Variants in CIT observed in about 807,000 individuals in gnomAD.
CIT encodes the protein citron rho-interacting serine/threonine kinase, also known as citron Rho-interacting kinase.
A neutral mutation model predicts 272.7 loss-of-function variants in CIT; 79 were observed. The observed-to-expected ratio is 0.29, with a 90% CI of 0.24 to 0.35. CIT has a LOEUF of 0.35. Ranked by LOEUF, CIT falls within the 10% of genes least tolerant of loss-of-function variation. The probability of loss-of-function intolerance (pLI) is 1.00; values close to 1 mark genes in which losing one functional copy is unlikely to be tolerated. For synonymous variants in CIT, 948 were observed against 995.6 expected (o/e 0.95, Z 0.90); for missense variants, 1,909 against 2,618.3 (o/e 0.73, Z 5.91).
chr12:119,695,381 T>C (rs926989305), intron 46 of CIT, among the ~76,000 whole-genome samples: 1 of 152,136 alleles, frequency 6.6e-6, no homozygotes, highest in African/African-American at 2.4e-5. Flanking sequence ...AAAAGACCCA[T>C]TCTCAGGGCA....
chr12:119,725,960 T>A lies in CIT; in HGVS notation c.3591+2542A>T, dbSNP rs147038069. On this transcript the variant is annotated intron_variant, in intron 28 of 47. Coordinates refer to ENST00000392521, the MANE Select transcript of CIT (RefSeq NM_001206999.2). ...GGTACATTTAACATTTCCACTGTAG[T>A]GTTGTTCTTAAGGCCACGGGGTGAA... 1.0e-3 allele frequency among the ~76,000 whole-genome samples: 152 copies of A among 152,274 alleles called. 1 individual carries two copies. Among genetic ancestry groups the A allele is most frequent in the African/African-American group, 3.3e-3 (138 of 41,512 alleles).
rs566295234 is a variant in CIT at position 119,824,966 on chromosome 12, T to C, written c.957+199A>G. On this transcript the variant is annotated intron_variant, in intron 8 of 47. Coordinates refer to ENST00000392521, the MANE Select transcript of CIT (RefSeq NM_001206999.2). ...GGCGCCCACCACCACAACTGGCTAATTTTTTTGTATTTTTTAGTAGAGATG... is the reference window on the plus strand; with the variant it reads ...GGCGCCCACCACCACAACTGGCTAACTTTTTTGTATTTTTTAGTAGAGATG... 9.2e-5 allele frequency among the ~76,000 whole-genome samples: 14 copies of C among 152,094 alleles called. No individual in the cohort carries two copies. In the East Asian group the frequency reaches 1.7e-3, roughly 19 times the overall value.
chr12:119,694,701 G>T lies in CIT; in HGVS notation c.5882+2958C>A, dbSNP rs1956135284. Reference sequence around the variant, plus strand: ...CGCCTGTAGTCCCAGCTACTCGGGGGGAGGCTGAAGTCGGGGGCTCTCTTG... The same window carrying T: ...CGCCTGTAGTCCCAGCTACTCGGGGTGAGGCTGAAGTCGGGGGCTCTCTTG... On this transcript the variant is annotated intron_variant, in intron 46 of 47. Transcript: ENST00000392521. The surrounding 1 kb of genome is among the most constrained non-coding windows in gnomAD (Gnocchi z 4.5). 1.3e-5 allele frequency among the ~76,000 whole-genome samples: 2 copies of T among 152,130 alleles called. No individual in the cohort carries two copies. The highest frequency in any genetic ancestry group is 2.9e-5 in the Non-Finnish European group (2 of 68,022).
chr12:119,701,587 A>C, intron 43 of CIT, 37 bp downstream of exon 43: 3 of 1,606,274 alleles, frequency 1.9e-6, no homozygotes, highest in South Asian at 1.1e-5. Flanking sequence ...AGTGTCCATG[A>C]GGACCCAAAA....
intron 10 of CIT, among the ~76,000 whole-genome samples, chr12:119,790,076 T>C (rs981213756): frequency 2.6e-5 from 4 of 152,158 alleles, no homozygotes; most frequent in Admixed American, 6.5e-5. Flanking sequence ...CAGCAAGTGA[T>C]TGCTGATAAT....
rs117170737 is a variant in CIT at position 119,800,978 on chromosome 12, A to G, written c.1295+2228T>C. Among the ~76,000 whole-genome samples the G allele has an allele frequency of 5.8e-3, 882 of 152,342 alleles. 5 individuals carry two copies. The highest frequency in any genetic ancestry group is 9.6e-3 in the Non-Finnish European group (655 of 68,032). On this transcript the variant is annotated intron_variant, in intron 10 of 47. Coordinates refer to ENST00000392521, the MANE Select transcript of CIT (RefSeq NM_001206999.2). ...AGCAGAGTAGCCAAGTCCAATAGCA[A>G]TAACACATAACAAGACGCAAGATGA... is the stretch of plus-strand genomic sequence containing the variant.
In CIT at chr12:119,777,673, A is replaced by G. The variant is rs536867478; in HGVS notation, c.1666-831T>C. On this transcript the variant is annotated intron_variant, in intron 13 of 47. Coordinates refer to ENST00000392521, the MANE Select transcript of CIT (RefSeq NM_001206999.2). ...TGACAGAGCAAGACTCCGTCTCAAAAAAACAAAAAAAAACAAAAAAAAACA... is the reference window on the plus strand; with the variant it reads ...TGACAGAGCAAGACTCCGTCTCAAAGAAACAAAAAAAAACAAAAAAAAACA... 3.1e-4 allele frequency among the ~76,000 whole-genome samples: 35 copies of G among 112,158 alleles called. 1 individual carries two copies. The East Asian group carries it at 9.3e-3, about 30-fold the overall frequency. The allele number at this position is 112,158 out of a possible 152,430, so 73.6% of individuals were successfully genotyped here. A position where few individuals can be genotyped will look rare whatever the true frequency, so the allele number is the denominator to read the frequency against.
At chr12:119,849,351 T>A (rs111279958) in intron 5 of CIT, among the ~76,000 whole-genome samples, 10,219 of 151,416 alleles carry the variant, frequency 0.067, 667 homozygotes, top group African/African-American at 0.17. Context: ...CTCTTGAACC[T>A]GGGAGGTGGA....
At chr12:119,725,801 C>T (rs556453829) in intron 28 of CIT, among the ~76,000 whole-genome samples, 3 of 152,360 alleles carry the variant, frequency 2.0e-5, no homozygotes, top group East Asian at 3.9e-4. Flanking sequence ...AGGGCCAACT[C>T]GCCCTCTCAG....
intron 40 of CIT, among the ~76,000 whole-genome samples, chr12:119,707,879 T>C (rs1956961750): frequency 6.6e-6 from 1 of 152,224 alleles, no homozygotes. Context: ...TAGACAAGCG[T>C]CAGTCTTGTT....
chr12:119,690,148 C>T lies in CIT; in HGVS notation c.6186+3G>A. On this transcript the variant is annotated splice_donor_region_variant and intron_variant, in intron 47 of 47. Transcript: ENST00000392521. This position sits in a 1 kb window ranked among gnomAD's most constrained non-coding sequence, Gnocchi z 6.0. The stretch of plus-strand genomic sequence containing the variant: ...ACACACAGGCCTCGGAATGCTGCCT[C>T]ACCTTGTTCACCTGGGACAGCGGGG... 2.7e-6 allele frequency: 4 copies of T among 1,464,386 alleles called. No homozygotes were observed. Among genetic ancestry groups the T allele is most frequent in the Non-Finnish European group, 3.6e-6 (4 of 1,115,706 alleles). The allele number at this position is 1,464,386 out of a possible 1,614,324, so 90.7% of individuals were successfully genotyped here. A position where few individuals can be genotyped will look rare whatever the true frequency, so the allele number is the denominator to read the frequency against.
At position 119,760,940 on chromosome 12, in the gene CIT, G is replaced by A. The variant is rs749312866; in HGVS notation, c.2420C>T (p.Ala807Val). ...EKGKILSEQK[A>V]MINAMDSKIR... Reference sequence around the variant, plus strand: ...GGCTTGGCAACTCCTTCTACCTACCGCCTTCTGTTCGCTGAGAATTTTGCC... The same window carrying A: ...GGCTTGGCAACTCCTTCTACCTACCACCTTCTGTTCGCTGAGAATTTTGCC... The change falls in exon 20 of 48, where the codon GCG becomes GTG. Residue 807 changes from alanine to valine, a missense_variant and splice_region_variant. By Grantham distance (64) the Ala-to-Val change is moderately conservative. Transcript: ENST00000392521. The A allele has an allele frequency of 1.2e-5, 19 of 1,606,224 alleles. No individual in the cohort carries two copies. Among genetic ancestry groups the A allele is most frequent in the South Asian group, 5.5e-5 (5 of 90,952 alleles).
chr12:119,809,049 C>T (rs1395119575), intron 9 of CIT, among the ~76,000 whole-genome samples: 3 of 152,070 alleles, frequency 2.0e-5, no homozygotes, highest in African/African-American at 7.2e-5. Flanking sequence ...GAAAGTGTCA[C>T]GGAGGGGATT....
intron 2 of CIT, among the ~76,000 whole-genome samples, chr12:119,874,552 A>C (rs1243364389): frequency 6.6e-6 from 1 of 152,206 alleles, no homozygotes. Flanking sequence ...CAAAAGAATT[A>C]AAAATCTATT....
chr12:119,709,674 G>C lies in CIT; in HGVS notation c.5071+577C>G, dbSNP rs180693021. On this transcript the variant is annotated intron_variant, in intron 39 of 47. Transcript: ENST00000392521. ...ACAGAGAGAAATAAACTGTACCCTG[G>C]TTATGTGACAGAATGTCTTCAATCC... 1.8e-3 allele frequency among the ~76,000 whole-genome samples: 274 copies of C among 151,688 alleles called. 8 individuals carry two copies. The highest frequency in any genetic ancestry group is 3.4e-3 in the Middle Eastern group (1 of 292).
Position 119,698,705 on chromosome 12 carries a change from G to A in CIT, c.5624-651C>T, listed in dbSNP as rs370079617. On this transcript the variant is annotated intron_variant, in intron 44 of 47. Transcript: ENST00000392521. ...GAATGCCCAAGGTACACTGCTCAGT[G>A]CAAAAAGCAAGGTTCAGAATCATGT... Among the ~76,000 whole-genome samples, 41 of 152,280 alleles carry A rather than the reference G, an allele frequency of 2.7e-4. No homozygotes were observed. The East Asian group carries it at 6.9e-3, about 26-fold the overall frequency.
At chr12:119,750,668 T>C (rs911010493) in intron 23 of CIT, among the ~76,000 whole-genome samples, 1 of 151,858 alleles carries the variant, frequency 6.6e-6, no homozygotes, top group African/African-American at 2.4e-5. Flanking sequence ...ACATTCCCAG[T>C]TTGGTTCAGA....
Position 119,713,575 on chromosome 12 carries a change from G to A in CIT, c.4380C>T (p.Ala1460=), listed in dbSNP as rs779999402. ...GGCAGAAGGCCTCGGTGAAGTGTGT[G>A]GCATATTCAGCAGGCAAGCCGCAGG... ...PATCGLPAEY[A]THFTEAFCRD... is the part of the protein sequence containing the mutation. The change falls in exon 34 of 48, where the codon GCC becomes GCT. Residue 1460 remains alanine (A), a synonymous_variant. Transcript: ENST00000392521. The surrounding 1 kb of genome is among the most constrained non-coding windows in gnomAD (Gnocchi z 5.2). 1 of 1,614,220 alleles carries A rather than the reference G, an allele frequency of 6.2e-7. No homozygotes were observed. Among genetic ancestry groups the A allele is most frequent in the East Asian group, 2.2e-5 (1 of 44,882 alleles).
At chr12:119,846,401 C>G (rs1969806882) in intron 5 of CIT, among the ~76,000 whole-genome samples, 2 of 152,096 alleles carry the variant, frequency 1.3e-5, no homozygotes, top group Non-Finnish European at 2.9e-5. Context: ...GACTAGACAC[C>G]AAGAAGGGGA....
Sources: allele counts gnomAD v4.1 joint callset (sites outside exome capture counted in the v4.1 genomes callset), GRCh38; gene constraint gnomAD v4.1.1; non-coding constraint Gnocchi (gnomAD v3.1); transcripts MANE v1.5; gene names NCBI Gene and HGNC (gene_info 2026-07-23, HGNC 2026-07-21).